ARRDC5: variants seen among roughly 807,000 people sequenced by gnomAD.
ARRDC5 encodes the protein arrestin domain containing 5, also known as arrestin domain-containing protein 5.
A neutral mutation model predicts 13.3 loss-of-function variants in ARRDC5; 12 were observed. That is an observed-to-expected ratio of 0.90 (90% CI 0.58 to 1.46). ARRDC5 has a LOEUF of 1.46. ARRDC5 is among the 40% of genes most tolerant of loss of function. The probability of loss-of-function intolerance (pLI) is 0.00; values close to 1 mark genes in which losing one functional copy is unlikely to be tolerated. For missense variants in ARRDC5, 406 were observed against 418.7 expected (o/e 0.97, Z 0.26); for synonymous variants, 181 against 173.4 (o/e 1.04, Z -0.34).
chr19:4,911,042 C>T, the ARRDC5 span: 1 of 1,577,442 alleles, frequency 6.3e-7, no homozygotes, highest in Non-Finnish European at 8.6e-7. Flanking sequence ...CAAACAGGTA[C>T]ACCCGCCGCC....
chr19:4,909,628 A>C, the ARRDC5 span: 2 of 596,866 alleles, frequency 3.4e-6, no homozygotes, highest in Non-Finnish European at 2.9e-6. Context: ...GCGCGCAGGC[A>C]GACAAGCTGT....
chr19:4,892,582 C>T (rs544504728), intron 2 of ARRDC5, among the ~76,000 whole-genome samples: 3 of 149,144 alleles, frequency 2.0e-5, no homozygotes, highest in Non-Finnish European at 4.5e-5. Flanking sequence ...TAGTCTCAAA[C>T]TCCTGGGCTC....
chr19:4,916,598 C>T, the ARRDC5 span, among the ~76,000 whole-genome samples: 1 of 152,166 alleles, frequency 6.6e-6, no homozygotes, highest in African/African-American at 2.4e-5. Flanking sequence ...ACTAGCCCTC[C>T]ACCCGTCCTG....
chr19:4,894,557 G>A (rs1320026007), intron 2 of ARRDC5, among the ~76,000 whole-genome samples: 3 of 142,862 alleles, frequency 2.1e-5, no homozygotes, highest in Non-Finnish European at 4.5e-5. Context: ...GGTGGTGGGT[G>A]CCTGTAGTCC....
chr19:4,896,729 T>C lies in ARRDC5; in HGVS notation c.401A>G (p.Lys134Arg). ...CMGREHILAK[K>R]RMYLLVQGTS... ...TCCTTGAACCAATAAGTACATCCTCTTCTTGGCTAAAATGTGTTCCCTGCC... is the reference window on the plus strand; with the variant it reads ...TCCTTGAACCAATAAGTACATCCTCCTCTTGGCTAAAATGTGTTCCCTGCC... Residue 134 changes from lysine to arginine, a missense_variant, in exon 2 of 3, where the codon AAG becomes AGG. Lys to Arg is a conservative substitution (Grantham distance 26). Coordinates refer to ENST00000650722, the MANE Select transcript of ARRDC5 (RefSeq NM_001080523.3). The C allele has an allele frequency of 8.7e-6, 14 of 1,613,810 alleles. No homozygotes were observed. The highest frequency in any genetic ancestry group is 1.1e-5 in the Non-Finnish European group (13 of 1,179,796).
chr19:4,893,162 T>C (rs1330854693), intron 2 of ARRDC5, among the ~76,000 whole-genome samples: 4 of 141,282 alleles, frequency 2.8e-5, no homozygotes, highest in Non-Finnish European at 6.0e-5. Flanking sequence ...ATATATATAA[T>C]ATATTATTAT....
the ARRDC5 span, among the ~76,000 whole-genome samples, chr19:4,916,536 G>C: frequency 6.6e-6 from 1 of 152,110 alleles, no homozygotes; most frequent in Non-Finnish European, 1.5e-5. Flanking sequence ...GCCGCTCTAG[G>C]GTCTGTCCTC....
intron 1 of ARRDC5, among the ~76,000 whole-genome samples, chr19:4,899,588 C>T (rs1005988432): frequency 1.8e-4 from 27 of 151,138 alleles, no homozygotes; most frequent in Non-Finnish European, 3.2e-4. Flanking sequence ...GCTGAGATCA[C>T]GCCATGGCAC....
At chr19:4,894,681 C>CAAAA (rs375739622) in intron 2 of ARRDC5, among the ~76,000 whole-genome samples, 1 of 60,158 alleles carries the variant, frequency 1.7e-5, no homozygotes, top group African/African-American at 5.7e-5. Context: ...GAGACTGTCT[C>CAAAA]AAAAAAAAAA....
the ARRDC5 span, among the ~76,000 whole-genome samples, chr19:4,911,824 G>T: frequency 6.6e-6 from 1 of 152,168 alleles, no homozygotes; most frequent in East Asian, 1.9e-4. Flanking sequence ...CAGTGTGATC[G>T]AAGGTGTAGG....
chr19:4,907,964 G>A, the ARRDC5 span, among the ~76,000 whole-genome samples: 8 of 151,832 alleles, frequency 5.3e-5, no homozygotes, highest in South Asian at 1.5e-3. Context: ...TGCCTGCCTC[G>A]GCCTCCCAAA....
chr19:4,896,824 A>C lies in ARRDC5; in HGVS notation c.306T>G (p.Pro102=). The C allele has an allele frequency of 1.2e-6, 2 of 1,613,932 alleles. No homozygotes were observed. Among genetic ancestry groups the C allele is most frequent in the South Asian group, 1.1e-5 (1 of 91,084 alleles). Reference sequence around the variant, plus strand: ...TGGTGAAGGTAGAAGGAAGCCTGGGAGGTAAGTTGAAATGGAAGTCAAAGG... The same window carrying C: ...TGGTGAAGGTAGAAGGAAGCCTGGGCGGTAAGTTGAAATGGAAGTCAAAGG... ...SHTFDFHFNL[P]PRLPSTFTSK... Residue 102 remains proline (P), a synonymous_variant, in exon 2 of 3, where the codon CCT becomes CCG. Transcript: ENST00000650722.
chr19:4,898,489 G>A (rs1486123711), intron 1 of ARRDC5, among the ~76,000 whole-genome samples: 1 of 151,966 alleles, frequency 6.6e-6, no homozygotes, highest in Non-Finnish European at 1.5e-5. Flanking sequence ...AGCCTCCTGA[G>A]TAGCTGGAAT....
the ARRDC5 span, chr19:4,910,866 CT>C: frequency 6.3e-7 from 1 of 1,594,378 alleles, no homozygotes; most frequent in Non-Finnish European, 8.6e-7. Context: ...TTTGCTGTCC[CT>C]CCCCTCAGCG....
chr19:4,909,572 G>A, the ARRDC5 span: 2 of 656,176 alleles, frequency 3.0e-6, no homozygotes, highest in Non-Finnish European at 5.5e-6. Flanking sequence ...TCCGCGCGGG[G>A]TCCGGGCCAC....
rs369148360 is a variant in ARRDC5, at chr19:4,891,207, G to T, written c.826C>A (p.His276Asn). ...GTGGTGACCAGCTCGTAGCGAGTGT[G>T]CATGATCTCACCGTCCTGCGTGCTG... ...SSSTQDGEIM[H>N]TRYELVTTVH... Residue 276 changes from histidine to asparagine, a missense_variant, in exon 3 of 3, where the codon CAC becomes AAC. Transcript: ENST00000650722. The T allele has an allele frequency of 5.6e-6, 9 of 1,613,794 alleles. No individual in the cohort carries two copies. Among genetic ancestry groups the T allele is most frequent in the Non-Finnish European group, 7.6e-6 (9 of 1,179,884 alleles).
upstream of ARRDC5, among the ~76,000 whole-genome samples, chr19:4,904,442 G>C (rs1466992770): frequency 2.6e-5 from 4 of 152,178 alleles, no homozygotes; most frequent in East Asian, 7.7e-4. Flanking sequence ...GCCTCCCAAA[G>C]TGCTGGGATT....
At chr19:4,911,380 G>T in the ARRDC5 span, among the ~76,000 whole-genome samples, 2 of 152,154 alleles carry the variant, frequency 1.3e-5, no homozygotes, top group African/African-American at 4.8e-5. Flanking sequence ...TCGAGAAAGG[G>T]CCCAGGACCA....
intron 2 of ARRDC5, among the ~76,000 whole-genome samples, chr19:4,895,634 G>A (rs555079598): frequency 3.3e-5 from 5 of 152,176 alleles, no homozygotes; most frequent in African/African-American, 9.6e-5. Context: ...ACTCAGCCAA[G>A]CGGAGGCTGC....
Sources: allele counts gnomAD v4.1 joint callset (sites outside exome capture counted in the v4.1 genomes callset), GRCh38; gene constraint gnomAD v4.1.1; transcripts MANE v1.5; gene names NCBI Gene and HGNC (gene_info 2026-07-23, HGNC 2026-07-21).